Variants in SHANK2 observed in about 807,000 individuals in gnomAD.
The protein encoded by SHANK2 is SH3 and multiple ankyrin repeat domains 2, also known as SH3 and multiple ankyrin repeat domains protein 2.
SHANK2 carries 43 observed loss-of-function variants against 133.7 expected under a neutral mutation model. That is an observed-to-expected ratio of 0.32 (90% CI 0.25 to 0.41). The LOEUF (loss-of-function observed/expected upper bound fraction) is 0.41, where lower values mean the gene tolerates loss of function less well. SHANK2 is among the 10% of genes least tolerant of loss of function. SHANK2 has a pLI of 1.00. For synonymous variants in SHANK2, 1,017 were observed against 952.8 expected (o/e 1.07, Z -1.24); for missense variants, 1,994 against 2,235.8 (o/e 0.89, Z 2.18).
chr11:70,914,493 G>A lies in SHANK2; in HGVS notation c.1108-17926C>T, dbSNP rs560706185. ...CAGAAAGGCCTTTCAAAAACACAAC[G>A]CCCTTGCAAACACACACAAGAGGCT... On this transcript the variant is annotated intron_variant, in intron 10 of 25. Transcript: ENST00000601538. 2.9e-4 allele frequency among the ~76,000 whole-genome samples: 44 copies of A among 151,688 alleles called. 1 individual carries two copies. Among genetic ancestry groups the A allele is most frequent in the Non-Finnish European group, 1.9e-4 (13 of 67,928 alleles).
chr11:70,568,646 G>GC (rs66982078), intron 17 of SHANK2, among the ~76,000 whole-genome samples: 1,840 of 80,028 alleles, frequency 0.023, 186 homozygotes, highest in African/African-American at 0.061. Flanking sequence ...GCGGATTCCT[G>GC]CCCCCCCCGC....
chr11:70,643,921 G>T (rs566872315), intron 17 of SHANK2, among the ~76,000 whole-genome samples: 2 of 151,914 alleles, frequency 1.3e-5, no homozygotes, highest in Admixed American at 6.6e-5. Flanking sequence ...AGGTGGAGGG[G>T]GGGGAGGAAC....
chr11:70,666,742 C>T (rs1944685370), intron 15 of SHANK2, among the ~76,000 whole-genome samples: 2 of 152,210 alleles, frequency 1.3e-5, no homozygotes, highest in South Asian at 4.1e-4. Flanking sequence ...GCCCGTCTCA[C>T]CCCCTAACCT....
At chr11:70,951,799 C>T (rs1253812634) in intron 10 of SHANK2, among the ~76,000 whole-genome samples, 2 of 152,192 alleles carry the variant, frequency 1.3e-5, no homozygotes, top group African/African-American at 4.8e-5. Context: ...GAGGGTCTTT[C>T]CTGCCTCTCC....
Position 70,807,193 on chromosome 11 carries a change from G to A in SHANK2, c.1494-22C>T. 1 of 515,168 alleles carries A rather than the reference G, an allele frequency of 1.9e-6. No individual in the cohort carries two copies. Among genetic ancestry groups the A allele is most frequent in the Non-Finnish European group, 3.6e-6 (1 of 274,198 alleles). The allele number at this position is 515,168 out of a possible 1,614,324, so 31.9% of individuals were successfully genotyped here. On this transcript the variant is annotated intron_variant, in intron 12 of 25. Transcript: ENST00000601538. This position sits in a 1 kb window ranked among gnomAD's most constrained non-coding sequence, Gnocchi z 4.8. ...CGACCTGGACCAGGTGAGAGGGGCA[G>A]AGAGAGAGAGAGCAGAGTCACAAGG...
chr11:70,609,646 CTATATTG>C (rs1388856824), intron 17 of SHANK2, among the ~76,000 whole-genome samples: 5 of 151,536 alleles, frequency 3.3e-5, no homozygotes, highest in South Asian at 4.2e-4. Flanking sequence ...CATAATATAT[CTATATTG>C]TATATTGTAT....
intron 17 of SHANK2, among the ~76,000 whole-genome samples, chr11:70,557,958 T>A (rs1298658107): frequency 6.6e-6 from 1 of 152,186 alleles, no homozygotes; most frequent in Non-Finnish European, 1.5e-5. Flanking sequence ...CTTTGGCAAA[T>A]ATGTTAAATA....
intron 11 of SHANK2, among the ~76,000 whole-genome samples, chr11:70,844,282 T>C (rs1948960854): frequency 6.6e-6 from 1 of 152,168 alleles, no homozygotes; most frequent in South Asian, 2.1e-4. Context: ...CAGCAGAGCA[T>C]GCCTTGAATA....
intron 11 of SHANK2, among the ~76,000 whole-genome samples, chr11:70,872,579 TA>T (rs1385910090): frequency 1.3e-5 from 2 of 151,756 alleles, no homozygotes; most frequent in Non-Finnish European, 2.9e-5. Flanking sequence ...ATGGAGGGAA[TA>T]GGGGGCCCCC....
intron 14 of SHANK2, among the ~76,000 whole-genome samples, chr11:70,718,611 T>C (rs570120647): frequency 3.9e-5 from 6 of 152,024 alleles, no homozygotes; most frequent in Non-Finnish European, 7.4e-5. Context: ...GGCTTTCAAA[T>C]ACTTCCCAAT....
At chr11:70,484,018 G>T (rs1368165850) in intron 25 of SHANK2, among the ~76,000 whole-genome samples, 1 of 152,242 alleles carries the variant, frequency 6.6e-6, no homozygotes, top group Non-Finnish European at 1.5e-5. Context: ...CTGCCCAGCA[G>T]GGGTATGGAG....
chr11:70,923,726 C>CT (rs1169882214), intron 10 of SHANK2, among the ~76,000 whole-genome samples: 5 of 152,160 alleles, frequency 3.3e-5, no homozygotes, highest in Admixed American at 3.3e-4. Context: ...TTTTTATATA[C>CT]TTTTTTTGTA....
chr11:70,847,917 G>A (rs1949021079), intron 11 of SHANK2, among the ~76,000 whole-genome samples: 1 of 152,256 alleles, frequency 6.6e-6, no homozygotes, highest in African/African-American at 2.4e-5. Flanking sequence ...CGTCCTCCCA[G>A]GCTTCACGGC....
intron 17 of SHANK2, among the ~76,000 whole-genome samples, chr11:70,609,608 C>T (rs1056039419): frequency 2.0e-5 from 3 of 151,406 alleles, no homozygotes; most frequent in Admixed American, 6.6e-5. Flanking sequence ...ACAAATGATG[C>T]GGGATATATG....
intron 11 of SHANK2, 125 bp from the exon 12 acceptor site, chr11:70,820,807 C>T (rs977923420): frequency 2.1e-5 from 12 of 558,222 alleles, no homozygotes; most frequent in African/African-American, 1.5e-4. Context: ...CAGAGGGGAG[C>T]TGTGAGTTCT....
chr11:70,599,890 A>AG (rs1554990514), intron 17 of SHANK2, among the ~76,000 whole-genome samples: 26 of 40,476 alleles, frequency 6.4e-4, no homozygotes, highest in East Asian at 6.2e-3. Context: ...AAAGAAAGAA[A>AG]AAGAAAGAAA....
intron 1 of SHANK2, among the ~76,000 whole-genome samples, chr11:71,248,889 G>A (rs1419719311): frequency 1.3e-5 from 2 of 152,154 alleles, no homozygotes; most frequent in African/African-American, 4.8e-5. Flanking sequence ...GTCACAACAC[G>A]GACTAACTGG....
intron 9 of SHANK2, among the ~76,000 whole-genome samples, chr11:71,065,229 G>C (rs1187150746): frequency 5.3e-5 from 8 of 152,246 alleles, no homozygotes; most frequent in Admixed American, 4.6e-4. Flanking sequence ...TAAGCAGTGA[G>C]TGGGGAAGTT....
intron 10 of SHANK2, among the ~76,000 whole-genome samples, chr11:70,921,860 T>C (rs1393451051): frequency 6.6e-6 from 1 of 152,232 alleles, no homozygotes; most frequent in African/African-American, 2.4e-5. Flanking sequence ...TTTTTAAATA[T>C]ATATGCAATG....
Sources: gnomAD v4.1 joint callset for allele counts (sites outside exome capture counted in the v4.1 genomes callset) on GRCh38, gnomAD v4.1.1 for gene constraint, Gnocchi (gnomAD v3.1) non-coding constraint, MANE v1.5 for transcripts, NCBI Gene and HGNC (gene_info 2026-07-23, HGNC 2026-07-21) for gene names.